Variants in IFT122 observed in about 807,000 individuals in gnomAD.
IFT122 encodes intraflagellar transport protein 122 homolog.
In IFT122, 118 loss-of-function variants were observed where a neutral mutation model predicts 161.6. That is an observed-to-expected ratio of 0.73 (90% CI 0.63 to 0.85). The LOEUF is 0.85. IFT122 is among the 40% of genes least tolerant of loss of function. IFT122 has a pLI of 0.00. For missense variants in IFT122, 1,381 were observed against 1,579.6 expected, an observed-to-expected ratio of 0.87 and a Z score of 2.13; for synonymous variants, 550 against 602.4, an observed-to-expected ratio of 0.91 and a Z score of 1.27.
intron 29 of IFT122, 24 bp from the exon 30 acceptor site, chr3:129,520,152 G>A (rs917524784): frequency 6.3e-7 from 1 of 1,596,814 alleles, no homozygotes; most frequent in African/African-American, 1.3e-5. Context: ...GCTTCAGCCT[G>A]GTCTTACAGC....
Position 129,519,696 on chromosome 3 carries a change from T to C in IFT122, c.3600T>C (p.Pro1200=). 1 of 1,613,800 alleles carries C rather than the reference T, an allele frequency of 6.2e-7. No individual in the cohort carries two copies. The highest frequency in any genetic ancestry group is 8.5e-7 in the Non-Finnish European group (1 of 1,180,022). ...LRWQYFRSLL[P]DASITMCPSC... ...GGCAATACTTCCGCTCACTGCTGCC[T>C]GACGCCTCCATTACCATGTGCCCCT... Residue 1200 remains proline, a synonymous_variant, in exon 29 of 30, where the codon CCT becomes CCC. Transcript: ENST00000348417.
At chr3:129,489,137 C>T (rs1346390824) in intron 16 of IFT122, among the ~76,000 whole-genome samples, 1 of 152,168 alleles carries the variant, frequency 6.6e-6, no homozygotes, top group Non-Finnish European at 1.5e-5. Flanking sequence ...ATGAGCTGCT[C>T]ATTTTGTCCA....
chr3:129,516,406 A>ACACACG (rs1401993249), intron 26 of IFT122, among the ~76,000 whole-genome samples: 1 of 139,436 alleles, frequency 7.2e-6, no homozygotes. Flanking sequence ...ACACACATAC[A>ACACACG]GAGACTGCCC....
In IFT122 at chr3:129,464,736, G is replaced by A; in HGVS notation, c.518G>A (p.Gly173Glu). The A allele has an allele frequency of 6.2e-7, 1 of 1,614,130 alleles. No individual in the cohort carries two copies. Among genetic ancestry groups the A allele is most frequent in the South Asian group, 1.1e-5 (1 of 91,076 alleles). The change falls in exon 7 of 30, where the codon GGG becomes GAG. Residue 173 changes from glycine (G) to glutamate (E), a missense_variant. Physicochemically the swap from Gly to Glu is moderately conservative, Grantham distance 98. Coordinates refer to ENST00000348417, the MANE Select transcript of IFT122 (RefSeq NM_052989.3). ...GEEKVKIERPGGSLSPIWSIC... is the reference protein window; with the variant it reads ...GEEKVKIERPEGSLSPIWSIC... ...GAGAAAGTAAAGATCGAGCGGCCGGGGGGCTCCCTCTCGCCAATATGGTCC... is the reference window on the plus strand; with the variant it reads ...GAGAAAGTAAAGATCGAGCGGCCGGAGGGCTCCCTCTCGCCAATATGGTCC...
At chr3:129,468,196 GT>G (rs769827508) in intron 8 of IFT122, among the ~76,000 whole-genome samples, 41 of 152,210 alleles carry the variant, frequency 2.7e-4, no homozygotes, top group Non-Finnish European at 5.4e-4. Context: ...TCTTGGCTGG[GT>G]TTTACAAACA....
intron 15 of IFT122, among the ~76,000 whole-genome samples, chr3:129,484,333 G>C (rs2108359637): frequency 6.6e-6 from 1 of 152,238 alleles, no homozygotes; most frequent in East Asian, 1.9e-4. Flanking sequence ...CCATAAAACA[G>C]AGACGTGCAT....
At chr3:129,476,898 T>G in intron 11 of IFT122, 97 bp downstream of exon 11, 23 of 1,520,754 alleles carry the variant, frequency 1.5e-5, no homozygotes, top group Non-Finnish European at 1.9e-5. Context: ...AAGGTTTCTC[T>G]TTGGCGTTTT....
At chr3:129,473,088 G>C (rs2077533143) in intron 9 of IFT122, among the ~76,000 whole-genome samples, 1 of 152,116 alleles carries the variant, frequency 6.6e-6, no homozygotes, top group African/African-American at 2.4e-5. Context: ...ATTGCTTGAG[G>C]CCAGGAGTTC....
chr3:129,496,372 C>G (rs6786176), intron 18 of IFT122, among the ~76,000 whole-genome samples: 20,187 of 152,052 alleles, frequency 0.13, 1,713 homozygotes, highest in South Asian at 0.24. Flanking sequence ...AAAGAGGCTT[C>G]GGTACACTGG....
intron 16 of IFT122, among the ~76,000 whole-genome samples, chr3:129,490,529 G>A (rs1234718795): frequency 2.6e-5 from 4 of 152,306 alleles, no homozygotes; most frequent in South Asian, 2.1e-4. Flanking sequence ...GAAGGAACTC[G>A]GAAACAGATT....
At chr3:129,513,129 T>C (rs2083033481) in intron 24 of IFT122, 1 of 154,288 alleles carries the variant, frequency 6.5e-6, no homozygotes, top group South Asian at 2.0e-4. Context: ...GAGCCTACCT[T>C]TGGGTTTTCC....
At chr3:129,519,451 G>C (rs1434461510) in intron 28 of IFT122, 117 bp from the exon 29 acceptor site, 1 of 1,396,186 alleles carries the variant, frequency 7.2e-7, no homozygotes, top group African/African-American at 1.4e-5. Flanking sequence ...AGGGTCACCT[G>C]GGTTTAGGAA....
At chr3:129,483,838 C>T (rs1440444824) in intron 15 of IFT122, 156 bp downstream of exon 15, 7 of 769,066 alleles carry the variant, frequency 9.1e-6, no homozygotes, top group African/African-American at 3.4e-5. Context: ...ACCTGCCGCC[C>T]TGTCTCCACT....
In IFT122 at chr3:129,453,032, GA is replaced by G. The variant is rs553895872; in HGVS notation, c.193+1038del. On this transcript the variant is annotated intron_variant, in intron 3 of 29. Transcript: ENST00000348417. ...TGGAGTTGCCCCCCCCACTGAGATG[GA>G]AAAGACTGCAGGTAGAGAAAAGTTA... 3.0e-3 allele frequency among the ~76,000 whole-genome samples: 462 copies of G among 152,276 alleles called. 2 individuals carry two copies. Among genetic ancestry groups the G allele is most frequent in the African/African-American group, 0.01 (435 of 41,554 alleles).
intron 7 of IFT122, among the ~76,000 whole-genome samples, chr3:129,466,179 A>G (rs2076752636): frequency 1.3e-5 from 2 of 152,314 alleles, no homozygotes; most frequent in Admixed American, 1.3e-4. Flanking sequence ...TCTGAGGGTA[A>G]ACGAAAGGTC....
At chr3:129,445,121 T>A (rs933422812) in intron 1 of IFT122, among the ~76,000 whole-genome samples, 1 of 151,816 alleles carries the variant, frequency 6.6e-6, no homozygotes, top group African/African-American at 2.4e-5. Flanking sequence ...AGGTCAGGAG[T>A]TCGAGACCAG....
chr3:129,476,502 A>G lies in IFT122; in HGVS notation c.1004A>G (p.Tyr335Cys). The change falls in exon 10 of 30, where the codon TAT becomes TGT. Residue 335 changes from tyrosine (Y) to cysteine (C), a missense_variant. Physicochemically the swap from Tyr to Cys is radical, Grantham distance 194. Around this residue, in one of 7 missense-constraint regions of IFT122, gnomAD observed 544 missense variants for 648.0 expected, o/e 0.84. Coordinates refer to ENST00000348417, the MANE Select transcript of IFT122 (RefSeq NM_052989.3). ...TGTCAAGCGAAACCGGATTCCAACTATGTGGTAAGAAGAGAAAGTTTGTTC... is the reference window on the plus strand; with the variant it reads ...TGTCAAGCGAAACCGGATTCCAACTGTGTGGTAAGAAGAGAAAGTTTGTTC... ...WTCQAKPDSN[Y>C]VVVGCQDGTI... is the part of the protein sequence containing the mutation. 1 of 1,614,132 alleles carries G rather than the reference A, an allele frequency of 6.2e-7. No individual in the cohort carries two copies.
rs1402457072 is a variant in IFT122 at position 129,476,301 on chromosome 3, T to C, written c.817-14T>C. ...GAAATGGTTTTTCCCTTGCTGTGTG[T>C]TCTTTTTCCTCAGATTGGAAAGGAT... On this transcript the variant is annotated splice_polypyrimidine_tract_variant and intron_variant, in intron 9 of 29. Coordinates refer to ENST00000348417, the MANE Select transcript of IFT122 (RefSeq NM_052989.3). The C allele has an allele frequency of 6.2e-7, 1 of 1,614,152 alleles. No individual in the cohort carries two copies. The highest frequency in any genetic ancestry group is 1.1e-5 in the South Asian group (1 of 91,080).
intron 8 of IFT122, among the ~76,000 whole-genome samples, chr3:129,468,504 C>T (rs1357783322): frequency 1.3e-5 from 2 of 152,254 alleles, no homozygotes; most frequent in East Asian, 1.9e-4. Flanking sequence ...GACACCACGC[C>T]GAACTAATTT....
Sources: gnomAD v4.1 joint callset for allele counts (sites outside exome capture counted in the v4.1 genomes callset) on GRCh38, gnomAD v4.1.1 for gene constraint, gnomAD v4.1.1 regional missense constraint, MANE v1.5 for transcripts, NCBI Gene and HGNC (gene_info 2026-07-23, HGNC 2026-07-21) for gene names.